The following MAPRE3 variants were observed in gnomAD, a reference collection of about 807,000 sequenced individuals.
The protein encoded by MAPRE3 is microtubule-associated protein RP/EB family member 3.
A neutral mutation model predicts 30.5 loss-of-function variants in MAPRE3; 2 were observed. That is an observed-to-expected ratio of 0.07 (90% CI 0.03 to 0.21). The LOEUF is 0.21. Among genes scored for constraint, MAPRE3 ranks in the 10% least tolerant of loss-of-function variants. MAPRE3 has a pLI of 1.00. For missense variants in MAPRE3, 204 were observed against 351.8 expected (o/e 0.58, Z 3.36); for synonymous variants, 110 against 127.7 (o/e 0.86, Z 0.93).
chr2:26,995,829 G>A (rs190574631), intron 1 of MAPRE3, among the ~76,000 whole-genome samples: 136 of 147,110 alleles, frequency 9.2e-4, no homozygotes, highest in African/African-American at 3.4e-3. Context: ...GTGTGTGTGT[G>A]TATGTGTGTG....
At chr2:26,982,063 G>A (rs1336825409) in intron 1 of MAPRE3, among the ~76,000 whole-genome samples, 6 of 152,166 alleles carry the variant, frequency 3.9e-5, no homozygotes, top group Admixed American at 3.3e-4. Context: ...CCTCCACAAG[G>A]TGCTTTGTGC....
intron 1 of MAPRE3, among the ~76,000 whole-genome samples, chr2:26,991,336 C>T (rs1666339071): frequency 6.6e-6 from 1 of 152,114 alleles, no homozygotes; most frequent in African/African-American, 2.4e-5. Context: ...TGAGGTACAG[C>T]CTGTGGTCAG....
intron 1 of MAPRE3, among the ~76,000 whole-genome samples, chr2:26,979,009 C>T (rs916845285): frequency 1.3e-5 from 2 of 152,172 alleles, no homozygotes; most frequent in African/African-American, 2.4e-5. Flanking sequence ...AACTGTATGT[C>T]ACTGTAACAT....
At chr2:26,977,437 C>G (rs1666034467) in intron 1 of MAPRE3, among the ~76,000 whole-genome samples, 1 of 152,166 alleles carries the variant, frequency 6.6e-6, no homozygotes, top group South Asian at 2.1e-4. Flanking sequence ...TTTTCAGATT[C>G]TCTGTATTCC....
rs114818041 is a variant in MAPRE3, at chr2:26,986,943, C to G, written c.-8+16141C>G. Among the ~76,000 whole-genome samples the G allele has an allele frequency of 6.6e-6, 1 of 151,886 alleles. No homozygotes were observed. Among genetic ancestry groups the G allele is most frequent in the African/African-American group, 2.4e-5 (1 of 41,338 alleles). On this transcript the variant is annotated intron_variant, in intron 1 of 6. Coordinates refer to ENST00000233121, the MANE Select transcript of MAPRE3 (RefSeq NM_012326.4). This position sits in a 1 kb window ranked among gnomAD's most constrained non-coding sequence, Gnocchi z 4.2. ...GGAGAGTGGGAAGCTGAGGAGCCACCGTGTGAAAGAGTTTCCACCTAGAGG... is the reference window on the plus strand; with the variant it reads ...GGAGAGTGGGAAGCTGAGGAGCCACGGTGTGAAAGAGTTTCCACCTAGAGG...
chr2:27,012,457 C>T (rs1339962947), intron 1 of MAPRE3: 2 of 152,198 alleles, frequency 1.3e-5, no homozygotes, highest in African/African-American at 4.8e-5. Context: ...CCTTCATTTC[C>T]TCAAAAGCAA....
chr2:27,026,141 G>A, intron 6 of MAPRE3, 109 bp downstream of exon 6: 1 of 1,466,060 alleles, frequency 6.8e-7, no homozygotes, highest in African/African-American at 1.4e-5. Context: ...ATGAGAGAGA[G>A]GTGAAGTCAC....
Position 26,995,250 on chromosome 2 carries a change from C to G in MAPRE3, c.-8+24448C>G, listed in dbSNP as rs76118795. Among the ~76,000 whole-genome samples the G allele has an allele frequency of 2.4e-4, 36 of 152,316 alleles. 1 individual carries two copies. In the East Asian group the frequency reaches 6.9e-3, roughly 29 times the overall value. ...GCTCTAGCTCATAATTTGCCAGCCC[C>G]TGCTTATTAGTCATAATCACAGAGG... On this transcript the variant is annotated intron_variant, in intron 1 of 6. Coordinates refer to ENST00000233121, the MANE Select transcript of MAPRE3 (RefSeq NM_012326.4).
intron 1 of MAPRE3, among the ~76,000 whole-genome samples, chr2:26,975,722 G>A (rs989528363): frequency 2.0e-5 from 3 of 152,208 alleles, no homozygotes; most frequent in Non-Finnish European, 4.4e-5. Context: ...CAAATAGAAT[G>A]GGTAGTGATT....
intron 1 of MAPRE3, among the ~76,000 whole-genome samples, chr2:27,016,512 G>A (rs1359044056): frequency 4.0e-5 from 6 of 151,572 alleles, no homozygotes; most frequent in Non-Finnish European, 8.8e-5. Flanking sequence ...AGCCTCCTGA[G>A]TAGCTGGGAC....
In MAPRE3 at chr2:26,999,236, G is replaced by A. The variant is rs551265912; in HGVS notation, c.-7-22976G>A. Among the ~76,000 whole-genome samples the A allele has an allele frequency of 3.3e-5, 5 of 152,280 alleles. 1 individual carries two copies. The South Asian group carries it at 8.3e-4, about 25-fold the overall frequency. The stretch of plus-strand genomic sequence containing the variant: ...AGCCATTGGTGCTTAGGGGAAGGGG[G>A]TAACTAAAGCAGTGTTTTTGGAAAG... On this transcript the variant is annotated intron_variant, in intron 1 of 6. Transcript: ENST00000233121.
intron 1 of MAPRE3, 28 bp downstream of exon 1, chr2:26,970,830 C>G (rs1048920508): frequency 2.6e-5 from 4 of 152,046 alleles, no homozygotes; most frequent in African/African-American, 9.7e-5. Context: ...CGACGGACGC[C>G]GTGGGGCTGA....
At chr2:26,972,695 C>T (rs115525280) in intron 1 of MAPRE3, among the ~76,000 whole-genome samples, 1,574 of 152,288 alleles carry the variant, frequency 0.01, 22 homozygotes, top group African/African-American at 0.035. Context: ...AGCGATATTA[C>T]TGGGGTGGAG....
intron 1 of MAPRE3, among the ~76,000 whole-genome samples, chr2:26,990,023 C>A (rs1036732108): frequency 1.5e-4 from 23 of 152,116 alleles, no homozygotes; most frequent in African/African-American, 5.6e-4. Flanking sequence ...TACAAAAAAT[C>A]TTAAAATTAT....
chr2:26,980,019 C>G (rs1411111444), intron 1 of MAPRE3, among the ~76,000 whole-genome samples: 1 of 152,040 alleles, frequency 6.6e-6, no homozygotes, highest in Non-Finnish European at 1.5e-5. Context: ...AGGAATCTCT[C>G]CAGAGGTCTT....
intron 1 of MAPRE3, among the ~76,000 whole-genome samples, chr2:26,999,517 G>A (rs13008495): frequency 0.92 from 108,104 of 117,932 alleles, 49,209 homozygotes; most frequent in Middle Eastern, 0.97. Flanking sequence ...TTTTTTTTTG[G>A]GATGGAGTTT....
intron 1 of MAPRE3, among the ~76,000 whole-genome samples, chr2:26,973,432 G>A (rs1029933120): frequency 6.6e-6 from 1 of 152,176 alleles, no homozygotes; most frequent in Admixed American, 6.5e-5. Context: ...TCCAACCCAG[G>A]GTCTTAATGT....
rs76858155 is a variant in MAPRE3, at chr2:26,988,181, C to T, written c.-8+17379C>T. On this transcript the variant is annotated intron_variant, in intron 1 of 6. Coordinates refer to ENST00000233121, the MANE Select transcript of MAPRE3 (RefSeq NM_012326.4). ...GTGAGCAGCCACAGCAAAGTGATAC[C>T]ATTGTCTTCATGGGACCAGCATCCT... 7.6e-3 allele frequency among the ~76,000 whole-genome samples: 1,157 copies of T among 152,336 alleles called. 7 individuals carry two copies. Among genetic ancestry groups the T allele is most frequent in the Non-Finnish European group, 0.011 (733 of 68,036 alleles).
chr2:27,025,807 G>A lies in MAPRE3; in HGVS notation c.624+70G>A, dbSNP rs867796542. The A allele has an allele frequency of 7.6e-5, 123 of 1,613,498 alleles. 2 individuals carry two copies. In the Middle Eastern group the frequency reaches 1.5e-3, roughly 19 times the overall value. ...AGCCAGGCCCTTGGGGTGTCTGCAG[G>A]GACGAGAGGAGGGCAGGCAGGGGAA... is the stretch of plus-strand genomic sequence containing the variant. On this transcript the variant is annotated intron_variant, in intron 5 of 6. Coordinates refer to ENST00000233121, the MANE Select transcript of MAPRE3 (RefSeq NM_012326.4).
Sources: allele counts gnomAD v4.1 joint callset (sites outside exome capture counted in the v4.1 genomes callset), GRCh38; gene constraint gnomAD v4.1.1; non-coding constraint Gnocchi (gnomAD v3.1); transcripts MANE v1.5; gene names NCBI Gene and HGNC (gene_info 2026-07-23, HGNC 2026-07-21).